ARHGAP18: variants seen among roughly 807,000 people sequenced by gnomAD.
ARHGAP18 encodes the protein Rho GTPase activating protein 18.
ARHGAP18 carries 67 observed loss-of-function variants against 86.2 expected under a neutral mutation model. The ratio of observed to expected loss-of-function variants is 0.78; its 90% CI spans 0.64 to 0.95. The LOEUF (loss-of-function observed/expected upper bound fraction) is 0.95. Among genes scored for constraint, ARHGAP18 ranks in the 40% least tolerant of loss-of-function variants. The probability of loss-of-function intolerance (pLI) is 0.00; values close to 1 mark genes in which losing one functional copy is unlikely to be tolerated. For missense variants in ARHGAP18, 691 were observed against 780.4 expected, an observed-to-expected ratio of 0.89 and a Z score of 1.37; for synonymous variants, 283 against 280.4, an observed-to-expected ratio of 1.01 and a Z score of -0.09.
chr6:129,629,721 G>A (rs1424630940), intron 4 of ARHGAP18, among the ~76,000 whole-genome samples, 199 bp from the exon 5 acceptor site: 2 of 152,124 alleles, frequency 1.3e-5, no homozygotes, highest in African/African-American at 4.8e-5. Flanking sequence ...AGACTGTGGT[G>A]ACTAGCAATC....
intron 2 of ARHGAP18, among the ~76,000 whole-genome samples, chr6:129,639,197 T>C (rs1314576142): frequency 5.3e-5 from 8 of 152,198 alleles, no homozygotes; most frequent in Non-Finnish European, 1.2e-4. Flanking sequence ...ACAATGTTTT[T>C]TTAAAAGCAC....
chr6:129,693,230 T>C (rs1230823616), intron 1 of ARHGAP18, among the ~76,000 whole-genome samples: 3 of 152,184 alleles, frequency 2.0e-5, no homozygotes, highest in African/African-American at 7.2e-5. Flanking sequence ...GGGGAAGACC[T>C]GGAGATAAGG....
chr6:129,645,227 A>G (rs1773554280), intron 1 of ARHGAP18, among the ~76,000 whole-genome samples: 1 of 152,162 alleles, frequency 6.6e-6, no homozygotes, highest in South Asian at 2.1e-4. Flanking sequence ...TGTAGAATAT[A>G]TTCTACTTTT....
intron 4 of ARHGAP18, among the ~76,000 whole-genome samples, chr6:129,630,754 C>A (rs1247885617): frequency 6.6e-6 from 1 of 152,114 alleles, no homozygotes; most frequent in African/African-American, 2.4e-5. Flanking sequence ...GGGCTCCAGG[C>A]TCAGGAGGGT....
chr6:129,658,296 C>G (rs1036058434), intron 1 of ARHGAP18, among the ~76,000 whole-genome samples: 3 of 152,172 alleles, frequency 2.0e-5, no homozygotes, highest in Non-Finnish European at 2.9e-5. Flanking sequence ...TGGGTCCCAA[C>G]TTACACCTCA....
chr6:129,661,744 G>A (rs1773956776), intron 1 of ARHGAP18: 1 of 366,460 alleles, frequency 2.7e-6, no homozygotes, highest in Non-Finnish European at 3.8e-6. Context: ...TTCATGTGAT[G>A]TCTCTAAACT....
At chr6:129,608,169 C>T (rs1022775048) in intron 8 of ARHGAP18, 117 bp from the exon 9 acceptor site, 16 of 1,103,964 alleles carry the variant, frequency 1.4e-5, no homozygotes, top group Non-Finnish European at 1.8e-5. Flanking sequence ...TTAGACAAGA[C>T]AAATCAGACT....
intron 4 of ARHGAP18, among the ~76,000 whole-genome samples, chr6:129,630,001 A>G (rs998873601): frequency 6.6e-6 from 1 of 152,150 alleles, no homozygotes; most frequent in Non-Finnish European, 1.5e-5. Flanking sequence ...CCCTGCATTT[A>G]CTTTCTGGAA....
At chr6:129,671,729 T>C (rs1050641857) in intron 1 of ARHGAP18, among the ~76,000 whole-genome samples, 1 of 151,800 alleles carries the variant, frequency 6.6e-6, no homozygotes, top group African/African-American at 2.4e-5. Context: ...AATAAAAAAC[T>C]TGAGTTAGAT....
intron 1 of ARHGAP18, among the ~76,000 whole-genome samples, chr6:129,677,408 T>A (rs1774255796): frequency 1.3e-5 from 2 of 149,928 alleles, no homozygotes; most frequent in South Asian, 2.1e-4. Context: ...AAAAAAAAAA[T>A]TGCTTTTGTT....
At chr6:129,597,711 T>C (rs564922913) in intron 12 of ARHGAP18, among the ~76,000 whole-genome samples, 25 of 150,888 alleles carry the variant, frequency 1.7e-4, no homozygotes, top group Non-Finnish European at 3.1e-4. Flanking sequence ...GATGAGTAAC[T>C]GAATTTCACA....
intron 1 of ARHGAP18, among the ~76,000 whole-genome samples, chr6:129,673,261 G>A (rs1238996521): frequency 6.6e-6 from 1 of 150,386 alleles, no homozygotes. Flanking sequence ...CAAATATCCA[G>A]TTCCTATTTC....
intron 5 of ARHGAP18, among the ~76,000 whole-genome samples, chr6:129,623,842 G>A (rs564727452): frequency 1.3e-5 from 2 of 152,194 alleles, no homozygotes; most frequent in Non-Finnish European, 2.9e-5. Flanking sequence ...CTAAATCAAA[G>A]GTGATTTCAT....
intron 1 of ARHGAP18, among the ~76,000 whole-genome samples, chr6:129,678,520 G>GA (rs1774272934): frequency 6.6e-6 from 1 of 152,164 alleles, no homozygotes; most frequent in Non-Finnish European, 1.5e-5. Context: ...GTATCTGGGG[G>GA]AAAATTGTGG....
At chr6:129,677,807 C>T (rs1259219555) in intron 1 of ARHGAP18, among the ~76,000 whole-genome samples, 1 of 152,232 alleles carries the variant, frequency 6.6e-6, no homozygotes, top group Non-Finnish European at 1.5e-5. Context: ...TCACAAGTCA[C>T]TTCTTCCTAT....
At chr6:129,681,128 A>C (rs570356614) in intron 1 of ARHGAP18, among the ~76,000 whole-genome samples, 1 of 152,324 alleles carries the variant, frequency 6.6e-6, no homozygotes, top group East Asian at 1.9e-4. Context: ...CCCAAGCTGG[A>C]GTGCAGTAGC....
intron 1 of ARHGAP18, among the ~76,000 whole-genome samples, chr6:129,646,490 C>T (rs1458899220): frequency 6.6e-6 from 1 of 152,082 alleles, no homozygotes. Context: ...TTCTAAGACC[C>T]TCAAAGAGCT....
rs149359692 is a variant in ARHGAP18, at chr6:129,608,898, C to A, written c.1123-846G>T. On this transcript the variant is annotated intron_variant, in intron 8 of 14. Coordinates refer to ENST00000368149, the MANE Select transcript of ARHGAP18 (RefSeq NM_033515.3). ...TTCTCTTCCTAACACAACAACCATT[C>A]TCTACCCCCAATTATTTTTGTAATT... Among the ~76,000 whole-genome samples the A allele has an allele frequency of 4.9e-3, 751 of 151,964 alleles. 8 individuals are homozygous for A. The highest frequency in any genetic ancestry group is 0.017 in the African/African-American group (712 of 41,412).
intron 1 of ARHGAP18, among the ~76,000 whole-genome samples, chr6:129,696,996 G>A (rs888218767): frequency 2.0e-4 from 31 of 152,070 alleles, no homozygotes; most frequent in African/African-American, 7.5e-4. Context: ...TGATTAATTG[G>A]CCAATAGAAC....
Sources: allele counts gnomAD v4.1 joint callset (sites outside exome capture counted in the v4.1 genomes callset), GRCh38; gene constraint gnomAD v4.1.1; transcripts MANE v1.5; gene names NCBI Gene and HGNC (gene_info 2026-07-23, HGNC 2026-07-21).